The following PCNT variants were observed in gnomAD, a reference collection of about 807,000 sequenced individuals.
PCNT encodes kendrin.
A neutral mutation model predicts 380.4 loss-of-function variants in PCNT; 319 were observed. That is an observed-to-expected ratio of 0.84 (90% CI 0.77 to 0.92). The LOEUF (loss-of-function observed/expected upper bound fraction) is 0.92. PCNT is among the 40% of genes least tolerant of loss of function. The probability of loss-of-function intolerance (pLI) is 0.00; values close to 1 mark genes in which losing one functional copy is unlikely to be tolerated. For synonymous variants in PCNT, 1,845 were observed against 1,735.2 expected, an observed-to-expected ratio of 1.06 and a Z score of -1.57; for missense variants, 4,400 against 4,255.3, an observed-to-expected ratio of 1.03 and a Z score of -0.95.
At chr21:46,412,092 C>G (rs1455983452) in intron 28 of PCNT, 25 bp downstream of exon 28, 2 of 1,598,426 alleles carry the variant, frequency 1.3e-6, no homozygotes, top group African/African-American at 2.7e-5. Flanking sequence ...CGGGCCATGG[C>G]AGGGTATTTT....
In PCNT at chr21:46,388,622, T is replaced by A. The variant is rs1171116611; in HGVS notation, c.3465-120T>A. 4 of 1,277,040 alleles carry A rather than the reference T, an allele frequency of 3.1e-6. No individual in the cohort carries two copies. In the East Asian group the frequency reaches 7.0e-5, roughly 22 times the overall value. The allele number at this position is 1,277,040 out of a possible 1,614,324, so 79.1% of individuals were successfully genotyped here. A position where few individuals can be genotyped will look rare whatever the true frequency, so the allele number is the denominator to read the frequency against. ...ATGAGGATCATGTCTTCCGGCCCCG[T>A]GGGGACAGGCAGCCGTGGGCCGAGG... On this transcript the variant is annotated intron_variant, in intron 17 of 46. Transcript: ENST00000359568. The surrounding 1 kb of genome is among the most constrained non-coding windows in gnomAD (Gnocchi z 4.2).
At chr21:46,415,718 G>A (rs1009065431) in intron 29 of PCNT, among the ~76,000 whole-genome samples, 5 of 152,128 alleles carry the variant, frequency 3.3e-5, no homozygotes, top group Non-Finnish European at 7.4e-5. Context: ...GCTCAGCCCT[G>A]CCTGCCAAAT....
chr21:46,339,270 T>C (rs1053084624), intron 3 of PCNT, among the ~76,000 whole-genome samples: 2 of 152,202 alleles, frequency 1.3e-5, no homozygotes, highest in Non-Finnish European at 2.9e-5. Flanking sequence ...AGTTGGCAGT[T>C]GGTGTCTTGC....
chr21:46,394,902 G>A (rs990258166), intron 21 of PCNT, among the ~76,000 whole-genome samples: 11 of 152,294 alleles, frequency 7.2e-5, no homozygotes, highest in East Asian at 3.9e-4. Flanking sequence ...CACCTGCTTC[G>A]CCAGCTGGGA....
chr21:46,394,123 G>T (rs1289517732), intron 21 of PCNT, among the ~76,000 whole-genome samples: 1 of 152,230 alleles, frequency 6.6e-6, no homozygotes, highest in African/African-American at 2.4e-5. Context: ...CTCTGCGGTT[G>T]TGTGACTCTG....
rs1473871884 is a variant in PCNT, at chr21:46,416,650, G to C, written c.6732G>C (p.Val2244=). The C allele has an allele frequency of 2.6e-6, 4 of 1,565,502 alleles. No homozygotes were observed. The highest frequency in any genetic ancestry group is 1.7e-4 in the Middle Eastern group (1 of 5,792). The change falls in exon 30 of 47, where the codon GTG becomes GTC. Residue 2244 remains valine, a synonymous_variant. Transcript: ENST00000359568. ...TGGAGCCCTGGCCCAGCCTCCCCGTGACACCCCACTCAGGAGCCCTGAGCC... is the reference window on the plus strand; with the variant it reads ...TGGAGCCCTGGCCCAGCCTCCCCGTCACACCCCACTCAGGAGCCCTGAGCC... ...WTLEPWPSLP[V]TPHSGALSLC...
Position 46,428,602 on chromosome 21 carries a change from T to C in PCNT, c.7690+12T>C. 6.3e-7 allele frequency: 1 copy of C among 1,586,204 alleles called. No homozygotes were observed. Among genetic ancestry groups the C allele is most frequent in the South Asian group, 1.1e-5 (1 of 89,110 alleles). On this transcript the variant is annotated intron_variant, in intron 35 of 46. Coordinates refer to ENST00000359568, the MANE Select transcript of PCNT (RefSeq NM_006031.6). ...GCTGCGCAGGCAGGGTGGGTGTCAC[T>C]GTCTACACTGCCTGGGGCCCGGCCT...
intron 25 of PCNT, among the ~76,000 whole-genome samples, chr21:46,400,313 G>T (rs1015253008): frequency 6.6e-6 from 1 of 152,066 alleles, no homozygotes; most frequent in Non-Finnish European, 1.5e-5. Context: ...ATGGCTGGAG[G>T]GGGCAGGGCT....
At position 46,346,225 on chromosome 21, in the gene PCNT, T is replaced by C. The variant is rs9982233; in HGVS notation, c.720+17T>C. 1,012,508 of 1,606,242 alleles carry C rather than the reference T, an allele frequency of 0.63. 321,546 individuals are homozygous for C. The highest frequency in any genetic ancestry group is 0.79 in the African/African-American group (58,931 of 74,624). The stretch of plus-strand genomic sequence containing the variant: ...CAGAGTCAGGTGACCCGGCGGGGCC[T>C]GCACAGGCTCACAGCATGGGCTCTG... On this transcript the variant is annotated intron_variant, in intron 4 of 46. Coordinates refer to ENST00000359568, the MANE Select transcript of PCNT (RefSeq NM_006031.6).
intron 31 of PCNT, among the ~76,000 whole-genome samples, chr21:46,418,754 C>A (rs538817398): frequency 6.6e-6 from 1 of 152,364 alleles, no homozygotes; most frequent in Non-Finnish European, 1.5e-5. Context: ...TTGGGGTGGA[C>A]GTCCCTCTCT....
At position 46,388,884 on chromosome 21, in the gene PCNT, G is replaced by A. The variant is rs757654804; in HGVS notation, c.3607G>A (p.Ala1203Thr). The part of the protein sequence containing the change: ...DAGAGLALST[A>T]PALEETWSDV... ...GGGCGCAGGCCTGGCCCTGTCGACAGGTGAGTGTGCCGGGACCAGCTGCCC... is the reference window on the plus strand; with the variant it reads ...GGGCGCAGGCCTGGCCCTGTCGACAAGTGAGTGTGCCGGGACCAGCTGCCC... Residue 1203 changes from alanine to threonine, a missense_variant and splice_region_variant, in exon 18 of 47, where the codon GCT (alanine) becomes ACT (threonine). Physicochemically the swap from Ala to Thr is moderately conservative, Grantham distance 58. Coordinates refer to ENST00000359568, the MANE Select transcript of PCNT (RefSeq NM_006031.6). This position sits in a 1 kb window ranked among gnomAD's most constrained non-coding sequence, Gnocchi z 4.2. The A allele has an allele frequency of 1.3e-6, 2 of 1,598,506 alleles. No homozygotes were observed. Among genetic ancestry groups the A allele is most frequent in the Non-Finnish European group, 1.7e-6 (2 of 1,177,276 alleles).
At chr21:46,384,167 G>A (rs1216019985) in intron 16 of PCNT, among the ~76,000 whole-genome samples, 1 of 143,972 alleles carries the variant, frequency 6.9e-6, no homozygotes, top group Middle Eastern at 3.8e-3. Context: ...TGTGCATTCA[G>A]CAGCGGAAGC....
intron 2 of PCNT, among the ~76,000 whole-genome samples, chr21:46,332,321 A>G (rs1049970354): frequency 7.9e-5 from 12 of 152,242 alleles, no homozygotes; most frequent in African/African-American, 2.9e-4. Flanking sequence ...ACCAGGAAAA[A>G]TAGTTATCAC....
rs751297741 is a variant in PCNT, at chr21:46,425,849, C to T, written c.7198C>T (p.Arg2400Cys). 180 of 1,613,634 alleles carry T rather than the reference C, an allele frequency of 1.1e-4. No homozygotes were observed. The highest frequency in any genetic ancestry group is 1.5e-4 in the Non-Finnish European group (175 of 1,180,006). Residue 2400 changes from arginine to cysteine, a missense_variant, in exon 33 of 47, where the codon CGT becomes TGT. By Grantham distance (180) the Arg-to-Cys change is radical. Coordinates refer to ENST00000359568, the MANE Select transcript of PCNT (RefSeq NM_006031.6). The surrounding 1 kb of genome is among the most constrained non-coding windows in gnomAD (Gnocchi z 4.2). Reference sequence around the variant, plus strand: ...GCCACAGGCTTTACTGCAGATGGTGCGTGACGAGAGCCACCAGATCCTGGC... The same window carrying T: ...GCCACAGGCTTTACTGCAGATGGTGTGTGACGAGAGCCACCAGATCCTGGC... ...KHVKALLQMV[R>C]DESHQILALS...
rs759312582 is a variant in PCNT at position 46,431,567 on chromosome 21, C to G, written c.8103C>G (p.Ser2701Arg). The G allele has an allele frequency of 5.0e-6, 8 of 1,613,940 alleles. No homozygotes were observed. In the African/African-American group the frequency reaches 5.3e-5, roughly 11 times the overall value. Residue 2701 changes from serine (S) to arginine (R), a missense_variant, in exon 38 of 47, where the codon AGC becomes AGG. Coordinates refer to ENST00000359568, the MANE Select transcript of PCNT (RefSeq NM_006031.6). ...RASLETQRAQ[S>R]SRLCVALKHE... ...CTTTGGAGACACAGCGTGCTCAGAG[C>G]AGTCGACTCTGCGTGGCACTGAAAC...
Position 46,346,970 on chromosome 21 carries a change from G to T in PCNT, c.948G>T (p.Glu316Asp), listed in dbSNP as rs369860393. 3.1e-6 allele frequency: 5 copies of T among 1,596,690 alleles called. No homozygotes were observed. The South Asian group carries it at 3.4e-5, about 11-fold the overall frequency. Residue 316 changes from glutamate (E) to aspartate (D), a missense_variant, in exon 5 of 47, where the codon GAG becomes GAT. Coordinates refer to ENST00000359568, the MANE Select transcript of PCNT (RefSeq NM_006031.6). Reference sequence around the variant, plus strand: ...AGCAGCACGCACGGGAGAAGGAGGAGGTGGTGCTCAGGTGTGGACAGGAAG... The same window carrying T: ...AGCAGCACGCACGGGAGAAGGAGGATGTGGTGCTCAGGTGTGGACAGGAAG... ...LREQHAREKE[E>D]VVLRCGQEAA...
At position 46,430,617 on chromosome 21, in the gene PCNT, G is replaced by A. The variant is rs374592885; in HGVS notation, c.8024G>A (p.Arg2675Gln). The change falls in exon 37 of 47, where the codon CGG becomes CAG. Residue 2675 changes from arginine to glutamine, a missense_variant. Transcript: ENST00000359568. ...LQSQLEEEQL[R>Q]HLQRESQSAK... Reference sequence around the variant, plus strand: ...AGCCAGCTGGAGGAGGAGCAGCTGCGGCACCTGCAGAGGGAGAGCCAGAGT... The same window carrying A: ...AGCCAGCTGGAGGAGGAGCAGCTGCAGCACCTGCAGAGGGAGAGCCAGAGT... 3.8e-5 allele frequency: 59 copies of A among 1,569,794 alleles called. No individual in the cohort carries two copies. Among genetic ancestry groups the A allele is most frequent in the Non-Finnish European group, 4.7e-5 (54 of 1,158,084 alleles).
At position 46,411,284 on chromosome 21, in the gene PCNT, G is replaced by A; in HGVS notation, c.5211G>A (p.Glu1737=). The change falls in exon 28 of 47, where the codon GAG becomes GAA. Residue 1737 remains glutamate, a synonymous_variant. Transcript: ENST00000359568. ...NQKRLQKEKA[E]EIEQLHEVIE... ...AACGATTACAAAAGGAGAAAGCAGAGGAAATTGAACAACTCCATGAAGTCA... is the reference window on the plus strand; with the variant it reads ...AACGATTACAAAAGGAGAAAGCAGAAGAAATTGAACAACTCCATGAAGTCA... The A allele has an allele frequency of 6.2e-7, 1 of 1,614,220 alleles. No homozygotes were observed.
chr21:46,339,168 G>A (rs1462114956), intron 3 of PCNT, among the ~76,000 whole-genome samples: 4 of 152,104 alleles, frequency 2.6e-5, no homozygotes, highest in Non-Finnish European at 5.9e-5. Flanking sequence ...TGCTCACCTC[G>A]GCCTCCCAAA....
Sources: allele counts gnomAD v4.1 joint callset (sites outside exome capture counted in the v4.1 genomes callset), GRCh38; gene constraint gnomAD v4.1.1; non-coding constraint Gnocchi (gnomAD v3.1); transcripts MANE v1.5; gene names NCBI Gene and HGNC (gene_info 2026-07-23, HGNC 2026-07-21).